Variants in BACH1 observed in about 807,000 individuals in gnomAD.
BACH1 encodes the protein transcription regulator protein BACH1.
In BACH1, 35 loss-of-function variants were observed where a neutral mutation model predicts 52.9. The observed-to-expected ratio is 0.66, with a 90% CI of 0.51 to 0.88. BACH1 has a LOEUF of 0.88. Among genes scored for constraint, BACH1 ranks in the 40% least tolerant of loss-of-function variants. The probability of loss-of-function intolerance (pLI) is 0.00; values close to 1 mark genes in which losing one functional copy is unlikely to be tolerated. For synonymous variants in BACH1, 321 were observed against 319.6 expected (o/e 1.00, Z -0.05); for missense variants, 808 against 872.6 (o/e 0.93, Z 0.93).
chr21:29,355,988 A>C (rs985166985), intron 2 of BACH1, among the ~76,000 whole-genome samples: 2 of 152,226 alleles, frequency 1.3e-5, no homozygotes, highest in Admixed American at 1.3e-4. Context: ...AGGCCTCAGC[A>C]GTTTTGGAGA....
At chr21:29,324,241 AAAAAAAAAAAAGGAACTGAACTTGCC>A in intron 2 of BACH1, among the ~76,000 whole-genome samples, 1 of 151,108 alleles carries the variant, frequency 6.6e-6, no homozygotes, top group Admixed American at 6.6e-5. Flanking sequence ...CAAAAAAAAA[AAAAAAAAAAAAGGAACTGAACTTGCC>A]AACACAAAGA....
chr21:29,299,319 G>C (rs1282269743), intron 1 of BACH1: 1 of 150,608 alleles, frequency 6.6e-6, no homozygotes, highest in Admixed American at 6.6e-5. Context: ...CCGGCCCCTC[G>C]CCCGCGGCCC....
rs760902229 is a variant in BACH1, at chr21:29,321,503, C to A, written c.223C>A (p.Leu75Ile). Residue 75 changes from leucine to isoleucine, a missense_variant, in exon 2 of 5, where the codon CTT becomes ATT. Transcript: ENST00000286800. ...GQADGELNIT[L>I]PEEVTVKGFE... ...GGCTGATGGAGAGCTGAACATTACT[C>A]TTCCAGAAGAGGTGAGAGATCCATG... 6.2e-7 allele frequency: 1 copy of A among 1,613,380 alleles called. No individual in the cohort carries two copies. Among genetic ancestry groups the A allele is most frequent in the Non-Finnish European group, 8.5e-7 (1 of 1,179,314 alleles).
intron 1 of BACH1, among the ~76,000 whole-genome samples, chr21:29,310,852 G>A (rs146334959): frequency 1.4e-4 from 21 of 152,224 alleles, no homozygotes; most frequent in African/African-American, 1.9e-4. Context: ...GGGAAGAGAG[G>A]GAAGAGACAG....
intron 2 of BACH1, among the ~76,000 whole-genome samples, chr21:29,358,051 C>T (rs1163158227): frequency 6.6e-6 from 1 of 152,142 alleles, no homozygotes; most frequent in African/African-American, 2.4e-5. Flanking sequence ...CTTATACTTC[C>T]CTGCTGGAGT....
intron 1 of BACH1, among the ~76,000 whole-genome samples, chr21:29,309,426 A>G (rs979262639): frequency 2.0e-5 from 3 of 152,010 alleles, no homozygotes; most frequent in Non-Finnish European, 2.9e-5. Flanking sequence ...CCTCAGTTTT[A>G]CCTATTCTTC....
At chr21:29,320,467 T>C (rs893307205) in intron 1 of BACH1, among the ~76,000 whole-genome samples, 6 of 152,210 alleles carry the variant, frequency 3.9e-5, no homozygotes, top group Non-Finnish European at 7.3e-5. Flanking sequence ...TTGGAGGCTA[T>C]TATATGTTAG....
At chr21:29,321,699 G>A (rs1780860218) in intron 2 of BACH1, among the ~76,000 whole-genome samples, 185 bp downstream of exon 2, 1 of 145,028 alleles carries the variant, frequency 6.9e-6, no homozygotes, top group South Asian at 2.2e-4. Context: ...TTGAATGTTG[G>A]TTAACATTAC....
At chr21:29,301,499 G>C (rs2088603513) in intron 1 of BACH1, among the ~76,000 whole-genome samples, 1 of 152,078 alleles carries the variant, frequency 6.6e-6, no homozygotes. Context: ...TTTATAGGTA[G>C]TTCTATTGTC....
rs138192308 is a variant in BACH1 at position 29,351,611 on chromosome 21, A to T, written c.472+21918A>T. ...CCTCATCTATTATGCTCAACATCTG[A>T]TATTTGAGGGGTTCTGTTTCAGGGT... On this transcript the variant is annotated intron_variant, in intron 2 of 4. Coordinates refer to the BACH1 transcript ENST00000422809. 191 of 534,582 alleles carry T rather than the reference A, an allele frequency of 3.6e-4. 1 individual carries two copies. Among genetic ancestry groups the T allele is most frequent in the East Asian group, 2.3e-3 (43 of 18,354 alleles). The allele number at this position is 534,582 out of a possible 1,614,324, so 33.1% of individuals were successfully genotyped here.
At position 29,327,342 on chromosome 21, in the gene BACH1, G is replaced by A. The variant is rs762119140; in HGVS notation, c.1518G>A (p.Thr506=). Reference sequence around the variant, plus strand: ...TTAGCTTGGGAGACGACTCTGAGACGGACACCGAAGGAGACAGTGAATCCT... The same window carrying A: ...TTAGCTTGGGAGACGACTCTGAGACAGACACCGAAGGAGACAGTGAATCCT... ...CVISLGDDSE[T]DTEGDSESCS... The change falls in exon 3 of 5, where the codon ACG becomes ACA. Residue 506 remains threonine, a synonymous_variant. Transcript: ENST00000286800. 18 of 1,613,978 alleles carry A rather than the reference G, an allele frequency of 1.1e-5. No individual in the cohort carries two copies. The highest frequency in any genetic ancestry group is 3.3e-5 in the Admixed American group (2 of 59,994).
intron 1 of BACH1, among the ~76,000 whole-genome samples, chr21:29,302,713 T>C (rs532086636): frequency 6.6e-6 from 1 of 152,240 alleles, no homozygotes; most frequent in Non-Finnish European, 1.5e-5. Context: ...TTGTTCAGAA[T>C]CAGGGAAGTA....
chr21:29,313,104 G>C (rs2088745380), intron 1 of BACH1, among the ~76,000 whole-genome samples: 1 of 152,116 alleles, frequency 6.6e-6, no homozygotes, highest in Non-Finnish European at 1.5e-5. Flanking sequence ...GAGCACGGCT[G>C]TCCAACCTTT....
chr21:29,311,657 T>C (rs964430437), intron 1 of BACH1, among the ~76,000 whole-genome samples: 1 of 152,226 alleles, frequency 6.6e-6, no homozygotes, highest in Non-Finnish European at 1.5e-5. Flanking sequence ...CCCACATGTA[T>C]TTGTAATCTT....
intron 1 of BACH1, among the ~76,000 whole-genome samples, chr21:29,303,887 G>A (rs2088627744): frequency 6.6e-6 from 1 of 152,192 alleles, no homozygotes; most frequent in African/African-American, 2.4e-5. Flanking sequence ...AATAGTGGTA[G>A]CCAGAATCTT....
intron 4 of BACH1, among the ~76,000 whole-genome samples, chr21:29,333,873 A>G (rs918632183): frequency 6.6e-6 from 1 of 152,228 alleles, no homozygotes; most frequent in Non-Finnish European, 1.5e-5. Flanking sequence ...CATTTAGTAA[A>G]TAAGGTATTT....
intron 3 of BACH1, among the ~76,000 whole-genome samples, chr21:29,328,025 A>G (rs948075281): frequency 2.6e-5 from 4 of 152,230 alleles, no homozygotes; most frequent in Admixed American, 2.6e-4. Flanking sequence ...TCATTATTTG[A>G]TAACTCCTGG....
chr21:29,336,488 G>A (rs572133444), intron 4 of BACH1, among the ~76,000 whole-genome samples: 6 of 152,016 alleles, frequency 3.9e-5, no homozygotes, highest in Admixed American at 3.9e-4. Flanking sequence ...TGTTACTTGG[G>A]CACTTTATAA....
rs911893795 is a variant in BACH1, at chr21:29,342,400, A to G, written c.1778A>G (p.Gln593Arg). The change falls in exon 5 of 5, where the codon CAA (glutamine) becomes CGA (arginine). Residue 593 changes from glutamine to arginine, a missense_variant and splice_region_variant. By Grantham distance (43) the Gln-to-Arg change is conservative (BLOSUM62 1). Coordinates refer to ENST00000286800, the MANE Select transcript of BACH1 (RefSeq NM_001186.4). ...QNLESEIEKL[Q>R]SEKESLLKER... ...GTGTTCTCTTTCCCCACTTCACAGC[A>G]AAGTGAAAAGGAGAGCTTGTTGAAG... is the stretch of plus-strand genomic sequence containing the variant. The G allele has an allele frequency of 6.2e-7, 1 of 1,610,772 alleles. No homozygotes were observed. Among genetic ancestry groups the G allele is most frequent in the East Asian group, 2.2e-5 (1 of 44,826 alleles).
Sources: gnomAD v4.1 joint callset for allele counts (sites outside exome capture counted in the v4.1 genomes callset) on GRCh38, gnomAD v4.1.1 for gene constraint, MANE v1.5 for transcripts, NCBI Gene and HGNC (gene_info 2026-07-23, HGNC 2026-07-21) for gene names.